Variants in SYT9 observed in about 807,000 individuals in gnomAD.
SYT9 encodes synaptotagmin-9.
In SYT9, 22 loss-of-function variants were observed where a neutral mutation model predicts 48.4. The ratio of observed to expected loss-of-function variants is 0.45; its 90% CI spans 0.32 to 0.65. SYT9 has a LOEUF of 0.65. Among genes scored for constraint, SYT9 ranks in the 30% least tolerant of loss-of-function variants. The pLI is 0.03. For missense variants in SYT9, 577 were observed against 622.0 expected, an observed-to-expected ratio of 0.93 and a Z score of 0.77; for synonymous variants, 265 against 245.0, an observed-to-expected ratio of 1.08 and a Z score of -0.76.
At chr11:7,406,568 A>ATATG (rs1237372754) in intron 3 of SYT9, among the ~76,000 whole-genome samples, 8 of 117,984 alleles carry the variant, frequency 6.8e-5, no homozygotes, top group African/African-American at 1.9e-4. Flanking sequence ...ATATATATAT[A>ATATG]GCACATTTTC....
At chr11:7,323,644 A>T (rs544448449) in intron 3 of SYT9, among the ~76,000 whole-genome samples, 10 of 152,030 alleles carry the variant, frequency 6.6e-5, no homozygotes, top group Non-Finnish European at 7.4e-5. Context: ...TTCTGTATCT[A>T]TTGAGAGAAT....
chr11:7,352,901 A>G (rs946750707), intron 3 of SYT9, among the ~76,000 whole-genome samples: 1 of 152,252 alleles, frequency 6.6e-6, no homozygotes, highest in African/African-American at 2.4e-5. Context: ...AGGGTGCAAG[A>G]ATAAAATAGT....
intron 3 of SYT9, among the ~76,000 whole-genome samples, chr11:7,348,160 C>A (rs530457646): frequency 1.3e-5 from 2 of 152,310 alleles, no homozygotes; most frequent in East Asian, 3.9e-4. Context: ...TGGCCACATT[C>A]TCCTAGAAAA....
Position 7,252,030 on chromosome 11 carries a change from C to G in SYT9, c.-157C>G. 1.2e-6 allele frequency: 1 copy of G among 840,262 alleles called. No homozygotes were observed. Among genetic ancestry groups the G allele is most frequent in the Non-Finnish European group, 1.6e-6 (1 of 610,624 alleles). 52.1% of individuals were successfully genotyped at this position (840,262 alleles called of 1,614,324 possible). A position where few individuals can be genotyped will look rare whatever the true frequency, so the allele number is the denominator to read the frequency against. On this transcript the variant is annotated 5_prime_UTR_variant, in exon 1 of 7. Coordinates refer to ENST00000318881, the MANE Select transcript of SYT9 (RefSeq NM_175733.4). The surrounding 1 kb of genome is among the most constrained non-coding windows in gnomAD (Gnocchi z 6.3). ...GCATGCAACCGGTGGGAGGCCGGGC[C>G]GGCTGGGTCTGGGGCTCGGGCTCAG...
chr11:7,375,411 G>T (rs1850435146), intron 3 of SYT9, among the ~76,000 whole-genome samples: 1 of 152,110 alleles, frequency 6.6e-6, no homozygotes, highest in Non-Finnish European at 1.5e-5. Flanking sequence ...CTCTTTTTTA[G>T]TGCCATATGA....
chr11:7,297,658 A>C (rs1352313), intron 1 of SYT9, among the ~76,000 whole-genome samples: 130,164 of 151,938 alleles, frequency 0.86, 55,972 homozygotes, highest in South Asian at 0.91. Context: ...ACAGTTTCTC[A>C]TGTACACTGT....
At chr11:7,405,705 A>C (rs1484872029) in intron 3 of SYT9, among the ~76,000 whole-genome samples, 2 of 152,352 alleles carry the variant, frequency 1.3e-5, no homozygotes, top group South Asian at 4.1e-4. Context: ...ATGATTATTC[A>C]CACTGTTGCT....
intron 3 of SYT9, among the ~76,000 whole-genome samples, chr11:7,411,764 G>C (rs1847140459): frequency 6.6e-6 from 1 of 152,110 alleles, no homozygotes; most frequent in Non-Finnish European, 1.5e-5. Flanking sequence ...CTAGATTGGG[G>C]AAGTTTTCAT....
At chr11:7,345,050 C>G (rs1028715684) in intron 3 of SYT9, among the ~76,000 whole-genome samples, 30 of 152,174 alleles carry the variant, frequency 2.0e-4, no homozygotes, top group African/African-American at 6.7e-4. Context: ...TGAGTCTTCC[C>G]ATCACAAACA....
chr11:7,339,775 G>C (rs546756784), intron 3 of SYT9, among the ~76,000 whole-genome samples: 1 of 152,138 alleles, frequency 6.6e-6, no homozygotes, highest in South Asian at 2.1e-4. Context: ...TTTCTCTCTA[G>C]CTGCCTTTAG....
intron 3 of SYT9, among the ~76,000 whole-genome samples, chr11:7,343,448 C>A (rs1030527918): frequency 1.3e-5 from 2 of 152,174 alleles, no homozygotes; most frequent in African/African-American, 4.8e-5. Context: ...GAAAATGTTG[C>A]CAGTCTCTTT....
chr11:7,393,386 C>T (rs556106597), intron 3 of SYT9, among the ~76,000 whole-genome samples: 29 of 149,592 alleles, frequency 1.9e-4, no homozygotes, highest in Non-Finnish European at 3.4e-4. Context: ...AATAATTCTG[C>T]TTATATGGCC....
intron 1 of SYT9, among the ~76,000 whole-genome samples, chr11:7,244,672 C>T (rs1378074241): frequency 6.6e-6 from 1 of 152,194 alleles, no homozygotes; most frequent in Non-Finnish European, 1.5e-5. Context: ...CTAATCAAAT[C>T]TTATTTTCTT....
intron 6 of SYT9, among the ~76,000 whole-genome samples, chr11:7,436,931 T>C (rs1847722107): frequency 6.6e-6 from 1 of 152,214 alleles, no homozygotes; most frequent in South Asian, 2.1e-4. Context: ...TTCTGTAAAA[T>C]GGGGATATCA....
intron 3 of SYT9, among the ~76,000 whole-genome samples, chr11:7,334,635 T>TCGCTGCCACCCATCCCCCCAAC (rs1475174229): frequency 5.5e-4 from 32 of 58,020 alleles, no homozygotes; most frequent in Non-Finnish European, 1.3e-3. Context: ...CTGCCTCCAC[T>TCGCTGCCACCCATCCCCCCAAC]CCCTGCCACC....
chr11:7,275,184 C>A (rs941478995), intron 1 of SYT9, among the ~76,000 whole-genome samples: 1 of 152,074 alleles, frequency 6.6e-6, no homozygotes, highest in Non-Finnish European at 1.5e-5. Context: ...CCCTGACTAG[C>A]CAGCTATGAA....
intron 5 of SYT9, among the ~76,000 whole-genome samples, chr11:7,419,066 G>A (rs1170780891): frequency 6.6e-6 from 1 of 152,194 alleles, no homozygotes; most frequent in African/African-American, 2.4e-5. Flanking sequence ...GGAGCACGTG[G>A]GTTGGCTCAG....
At chr11:7,248,098 T>C (rs1205422489), upstream of SYT9, among the ~76,000 whole-genome samples, 1 of 152,196 alleles carries the variant, frequency 6.6e-6, no homozygotes, top group African/African-American at 2.4e-5. Context: ...CATTTTTTCA[T>C]GTTTGTTGGC....
At chr11:7,298,648 A>G (rs532720809) in intron 1 of SYT9, among the ~76,000 whole-genome samples, 39 of 123,438 alleles carry the variant, frequency 3.2e-4, no homozygotes, top group African/African-American at 1.2e-3. Flanking sequence ...TCACTCTAAT[A>G]CAGGTCCACT....
Sources: allele counts gnomAD v4.1 joint callset (sites outside exome capture counted in the v4.1 genomes callset), GRCh38; gene constraint gnomAD v4.1.1; non-coding constraint Gnocchi (gnomAD v3.1); transcripts MANE v1.5; gene names NCBI Gene and HGNC (gene_info 2026-07-23, HGNC 2026-07-21).